The following LDB2 variants were observed in gnomAD, a reference collection of about 807,000 sequenced individuals.
The protein encoded by LDB2 is LIM domain-binding protein 2.
LDB2 carries 12 observed loss-of-function variants against 44.3 expected under a neutral mutation model. That is an observed-to-expected ratio of 0.27 (90% confidence interval 0.17 to 0.44). The LOEUF is 0.44. Ranked by LOEUF, LDB2 falls within the 20% of genes least tolerant of loss-of-function variation. LDB2 has a pLI of 1.00. For missense variants in LDB2, 344 were observed against 473.5 expected (o/e 0.73, Z 2.54); for synonymous variants, 164 against 174.8 (o/e 0.94, Z 0.49).
intron 1 of LDB2, chr4:16,759,505 A>T: frequency 2.3e-6 from 1 of 427,080 alleles, no homozygotes; most frequent in Non-Finnish European, 4.2e-6. Flanking sequence ...TCCAGGATAT[A>T]TTTGGGGAGA....
chr4:16,744,289 T>C (rs1374540885), intron 2 of LDB2, among the ~76,000 whole-genome samples: 2 of 151,478 alleles, frequency 1.3e-5, no homozygotes, highest in Non-Finnish European at 2.9e-5. Context: ...CCCGAGTAAT[T>C]GGGATTACAG....
chr4:16,623,763 CAT>C (rs202140174), intron 2 of LDB2, among the ~76,000 whole-genome samples: 3,885 of 104,598 alleles, frequency 0.037, 56 homozygotes, highest in East Asian at 0.088. Context: ...TTGAAATATA[CAT>C]ACACACACAC....
chr4:16,691,300 C>T (rs1305698100), intron 2 of LDB2, among the ~76,000 whole-genome samples: 3 of 152,124 alleles, frequency 2.0e-5, no homozygotes, highest in African/African-American at 7.2e-5. Flanking sequence ...TTAATTAGAG[C>T]TTACCATGTT....
At chr4:16,506,043 C>T in intron 7 of LDB2, 1 of 1,519,840 alleles carries the variant, frequency 6.6e-7, no homozygotes, top group Non-Finnish European at 8.9e-7. Context: ...CAGACACACA[C>T]ATCGCTGCCG....
chr4:16,539,311 G>C (rs1732947377), intron 5 of LDB2, among the ~76,000 whole-genome samples: 1 of 152,098 alleles, frequency 6.6e-6, no homozygotes, highest in African/African-American at 2.4e-5. Context: ...GATGTAAAAA[G>C]GTACAGGAAA....
At chr4:16,601,311 C>T (rs756717532) in intron 2 of LDB2, among the ~76,000 whole-genome samples, 28 of 152,118 alleles carry the variant, frequency 1.8e-4, no homozygotes, top group Non-Finnish European at 1.3e-4. Flanking sequence ...GTTCTACAAG[C>T]CTTTTGAGAA....
chr4:16,569,165 G>A (rs1380466361), intron 5 of LDB2, among the ~76,000 whole-genome samples: 12 of 152,142 alleles, frequency 7.9e-5, no homozygotes, highest in African/African-American at 2.4e-4. Flanking sequence ...AATCCAAGGC[G>A]AAAGTTGGAA....
chr4:16,870,392 G>T (rs577080181), intron 1 of LDB2, among the ~76,000 whole-genome samples: 30 of 152,256 alleles, frequency 2.0e-4, no homozygotes, highest in African/African-American at 7.0e-4. Flanking sequence ...GTGGCCAGAA[G>T]GGGAAGTGGC....
intron 2 of LDB2, among the ~76,000 whole-genome samples, chr4:16,610,162 A>G (rs1185133450): frequency 6.6e-6 from 1 of 151,926 alleles, no homozygotes; most frequent in Non-Finnish European, 1.5e-5. Flanking sequence ...AAGTGGCAAC[A>G]ATAGCATCAA....
chr4:16,554,604 G>A, intron 5 of LDB2, among the ~76,000 whole-genome samples: 1 of 152,180 alleles, frequency 6.6e-6, no homozygotes, highest in East Asian at 1.9e-4. Context: ...GAAAAGAAAT[G>A]AGTGATCAAG....
intron 5 of LDB2, among the ~76,000 whole-genome samples, chr4:16,525,960 C>T (rs1399918516): frequency 1.3e-5 from 2 of 152,110 alleles, no homozygotes; most frequent in Non-Finnish European, 2.9e-5. Context: ...AATCAACTGC[C>T]CTTGAGATCC....
chr4:16,846,040 G>T (rs978180950), intron 1 of LDB2, among the ~76,000 whole-genome samples: 8 of 151,608 alleles, frequency 5.3e-5, no homozygotes, highest in Non-Finnish European at 1.0e-4. Context: ...GGTGAACCCG[G>T]GAGGCAGAGC....
intron 2 of LDB2, among the ~76,000 whole-genome samples, chr4:16,643,341 T>C (rs904470624): frequency 6.6e-6 from 1 of 152,194 alleles, no homozygotes; most frequent in Non-Finnish European, 1.5e-5. Flanking sequence ...TGCTCTGAGC[T>C]TCCTATTTTC....
At chr4:16,885,141 G>GGTCAACCTGGTCAACCTGGTC (rs1721269751) in intron 1 of LDB2, among the ~76,000 whole-genome samples, 1 of 141,782 alleles carries the variant, frequency 7.1e-6, no homozygotes. Context: ...GCAACATAGG[G>GGTCAACCTGGTCAACCTGGTC]AGATACCACT....
At chr4:16,544,555 C>G (rs1735027903) in intron 5 of LDB2, among the ~76,000 whole-genome samples, 1 of 152,150 alleles carries the variant, frequency 6.6e-6, no homozygotes, top group South Asian at 2.1e-4. Flanking sequence ...GCTGGAGGAG[C>G]CATGTTCCTG....
At chr4:16,681,216 T>G (rs1225158721) in intron 2 of LDB2, among the ~76,000 whole-genome samples, 10 of 152,214 alleles carry the variant, frequency 6.6e-5, no homozygotes. Flanking sequence ...GTTCAAGGGA[T>G]TCAATTTGAA....
intron 2 of LDB2, among the ~76,000 whole-genome samples, chr4:16,744,850 T>C (rs149218520): frequency 6.6e-6 from 1 of 152,336 alleles, no homozygotes; most frequent in East Asian, 1.9e-4. Flanking sequence ...CTGGGTTGCC[T>C]TGAGCAAGTC....
chr4:16,667,255 C>T (rs952507261), intron 2 of LDB2, among the ~76,000 whole-genome samples: 2 of 152,192 alleles, frequency 1.3e-5, no homozygotes, highest in African/African-American at 4.8e-5. Flanking sequence ...ACCATGGGGT[C>T]TCTCAATGTT....
Position 16,659,689 on chromosome 4 carries a change from A to ATATATATATATATATATG in LDB2, c.236-63815_236-63814insCATATATATATATATATA, listed in dbSNP as rs1310756163. On this transcript the variant is annotated intron_variant, in intron 2 of 7. Coordinates refer to ENST00000304523, the MANE Select transcript of LDB2 (RefSeq NM_001290.5). ...TATGTGTGTATATATATATATATATATATGTATGTATGTATATATGTAACA... is the reference window on the plus strand; with the variant it reads ...TATGTGTGTATATATATATATATATATATATATATATATATATGTATGTATGTATGTATATATGTAACA... Among the ~76,000 whole-genome samples, 262 of 140,576 alleles carry ATATATATATATATATATG rather than the reference A, an allele frequency of 1.9e-3. 1 individual carries two copies. Among genetic ancestry groups the ATATATATATATATATATG allele is most frequent in the Middle Eastern group, 3.6e-3 (1 of 274 alleles). 92.2% of individuals were successfully genotyped at this position (140,576 alleles called of 152,430 possible). A position where few individuals can be genotyped will look rare whatever the true frequency, so the allele number is the denominator to read the frequency against.
Sources: gnomAD v4.1 joint callset for allele counts (sites outside exome capture counted in the v4.1 genomes callset) on GRCh38, gnomAD v4.1.1 for gene constraint, MANE v1.5 for transcripts, NCBI Gene and HGNC (gene_info 2026-07-23, HGNC 2026-07-21) for gene names.